Variants in ZNF665 observed in about 807,000 individuals in gnomAD.
ZNF665 encodes the protein zinc finger protein 665.
ZNF665 carries 6 observed loss-of-function variants against 7.9 expected under a neutral mutation model. The ratio of observed to expected loss-of-function variants is 0.76; its 90% CI spans 0.42 to 1.50. The LOEUF (loss-of-function observed/expected upper bound fraction) is 1.50, where lower values mean the gene tolerates loss of function less well. Ranked by LOEUF, ZNF665 falls within the 40% of genes most tolerant of loss-of-function variation. ZNF665 has a pLI of 0.01. For synonymous variants in ZNF665, 242 were observed against 274.5 expected, an observed-to-expected ratio of 0.88 and a Z score of 1.17; for missense variants, 819 against 806.7, an observed-to-expected ratio of 1.02 and a Z score of -0.18.
chr19:53,180,261 C>A (rs779655441), intron 2 of ZNF665, among the ~76,000 whole-genome samples: 1 of 151,952 alleles, frequency 6.6e-6, no homozygotes, highest in South Asian at 2.1e-4. Context: ...GGTAAAACCC[C>A]GTCTCTACTA....
chr19:53,168,071 A>G (rs1447205784), intron 3 of ZNF665, among the ~76,000 whole-genome samples: 7 of 148,602 alleles, frequency 4.7e-5, no homozygotes, highest in Non-Finnish European at 8.9e-5. Flanking sequence ...AAAAAAAAAA[A>G]AAAAAAAAAA....
intron 1 of ZNF665, chr19:53,191,771 G>A (rs535055592): frequency 3.3e-5 from 5 of 152,370 alleles, no homozygotes; most frequent in African/African-American, 9.6e-5. Context: ...TTGAACCCAG[G>A]AGGCGGAGTT....
intron 2 of ZNF665, 181 bp downstream of exon 2, chr19:53,182,703 A>T (rs2090747139): frequency 3.3e-6 from 4 of 1,201,864 alleles, no homozygotes; most frequent in Non-Finnish European, 4.8e-6. Context: ...TCCCAAGTTC[A>T]TGTCACTGGG....
intron 1 of ZNF665, among the ~76,000 whole-genome samples, chr19:53,189,910 T>C (rs1341097818): frequency 6.6e-6 from 1 of 152,118 alleles, no homozygotes; most frequent in African/African-American, 2.4e-5. Context: ...CAAGGAGCCC[T>C]CCGGTGGCCC....
At chr19:53,173,369 ACT>A (rs1252518225) in intron 3 of ZNF665, among the ~76,000 whole-genome samples, 2 of 72,810 alleles carry the variant, frequency 2.7e-5, no homozygotes, top group African/African-American at 5.7e-5. Context: ...TTTTTTTTTC[ACT>A]CTTTTTTTTT....
chr19:53,167,082 A>G (rs893417037), intron 3 of ZNF665, among the ~76,000 whole-genome samples: 1 of 151,878 alleles, frequency 6.6e-6, no homozygotes, highest in Non-Finnish European at 1.5e-5. Flanking sequence ...GCTCACCGCA[A>G]CCTCCGCCTC....
chr19:53,165,735 T>C lies in ZNF665; in HGVS notation c.755A>G (p.His252Arg). The C allele has an allele frequency of 6.2e-7, 1 of 1,614,226 alleles. No individual in the cohort carries two copies. Among genetic ancestry groups the C allele is most frequent in the Non-Finnish European group, 8.5e-7 (1 of 1,180,038 alleles). The change falls in exon 4 of 4, where the codon CAT becomes CGT. Residue 252 changes from histidine (H) to arginine (R), a missense_variant. His to Arg is a conservative substitution (Grantham distance 29, BLOSUM62 0). Coordinates refer to ENST00000396424, the MANE Select transcript of ZNF665 (RefSeq NM_024733.5). ...TTTCTCTCCAGTATGAATTCTCTGA[T>C]GACCTGCAAGGTTTGAAGGTTGACT... ...VFSQPSNLAG[H>R]QRIHTGEKPY...
chr19:53,190,713 T>C (rs2090810613), intron 1 of ZNF665, among the ~76,000 whole-genome samples: 1 of 152,120 alleles, frequency 6.6e-6, no homozygotes, highest in South Asian at 2.1e-4. Flanking sequence ...GTGGGTGGAT[T>C]ACCTGAGATC....
At chr19:53,173,840 G>T (rs1007250008) in intron 3 of ZNF665, among the ~76,000 whole-genome samples, 1 of 152,088 alleles carries the variant, frequency 6.6e-6, no homozygotes, top group Non-Finnish European at 1.5e-5. Context: ...AAAAAAACAG[G>T]ATACATGCCC....
intron 2 of ZNF665, among the ~76,000 whole-genome samples, chr19:53,178,877 A>T (rs767120735): frequency 6.6e-5 from 10 of 152,216 alleles, no homozygotes; most frequent in Non-Finnish European, 1.2e-4. Flanking sequence ...ACGCATTTGG[A>T]AGACAACCAG....
At chr19:53,174,863 C>T (rs1227873406) in intron 3 of ZNF665, among the ~76,000 whole-genome samples, 1 of 148,910 alleles carries the variant, frequency 6.7e-6, no homozygotes. Context: ...CGCTTGAACT[C>T]AGGAGGCGGT....
At chr19:53,166,436 G>T in intron 3 of ZNF665, 89 bp from the exon 4 acceptor site, 1 of 1,186,018 alleles carries the variant, frequency 8.4e-7, no homozygotes, top group Non-Finnish European at 1.2e-6. Flanking sequence ...TACACCAAAA[G>T]TAATAGTTAT....
In ZNF665 at chr19:53,165,924, T is replaced by C. The variant is rs1329130522; in HGVS notation, c.566A>G (p.Gln189Arg). ...KCDECGKVFS[Q>R]NSRLTSHKRI... Reference sequence around the variant, plus strand: ...CTTATGACTTGTTAGCCGTGAGTTTTGACTGAAGACCTTGCCACATTCATC... The same window carrying C: ...CTTATGACTTGTTAGCCGTGAGTTTCGACTGAAGACCTTGCCACATTCATC... The change falls in exon 4 of 4, where the codon CAA becomes CGA. Residue 189 changes from glutamine (Q) to arginine (R), a missense_variant. By Grantham distance (43) the Gln-to-Arg change is conservative (BLOSUM62 1). Transcript: ENST00000396424. 6.2e-7 allele frequency: 1 copy of C among 1,614,200 alleles called. No individual in the cohort carries two copies. The highest frequency in any genetic ancestry group is 1.1e-5 in the South Asian group (1 of 91,078).
intron 2 of ZNF665, among the ~76,000 whole-genome samples, chr19:53,178,974 C>T (rs1177219205): frequency 1.3e-5 from 2 of 152,162 alleles, no homozygotes; most frequent in Non-Finnish European, 2.9e-5. Flanking sequence ...TACAAGGTCA[C>T]ACTTATAGAA....
chr19:53,179,319 T>C (rs1227746375), intron 2 of ZNF665, among the ~76,000 whole-genome samples: 1 of 131,738 alleles, frequency 7.6e-6, no homozygotes, highest in Non-Finnish European at 1.5e-5. Flanking sequence ...GGGCTTGCAG[T>C]GAGCCGAGAT....
chr19:53,185,319 G>A lies in ZNF665; in HGVS notation c.-45-2376C>T, dbSNP rs2090770113. Among the ~76,000 whole-genome samples, 3 of 151,972 alleles carry A rather than the reference G, an allele frequency of 2.0e-5. No individual in the cohort carries two copies. The South Asian group carries it at 6.3e-4, about 32-fold the overall frequency. ...GCTGGCGTCACCGCTAGACCAAGGA[G>A]CCCTCCGGTGGCCCTGTCCGGGCAT... On this transcript the variant is annotated intron_variant, in intron 1 of 3. Coordinates refer to ENST00000396424, the MANE Select transcript of ZNF665 (RefSeq NM_024733.5).
chr19:53,179,496 G>A (rs1350494468), intron 2 of ZNF665: 3 of 149,582 alleles, frequency 2.0e-5, no homozygotes, highest in African/African-American at 4.9e-5. Flanking sequence ...CACCCAGGCT[G>A]GAGTGCAGTG....
At chr19:53,171,525 T>TATA (rs1555804190) in intron 3 of ZNF665, among the ~76,000 whole-genome samples, 241 of 37,246 alleles carry the variant, frequency 6.5e-3, no homozygotes, top group Middle Eastern at 0.015. Context: ...TATATATATA[T>TATA]TTTTTTTTTT....
At chr19:53,182,545 TCA>T (rs2146877078) in intron 2 of ZNF665, 1 of 671,778 alleles carries the variant, frequency 1.5e-6, no homozygotes, top group East Asian at 2.7e-5. Context: ...GCTTCTCTTA[TCA>T]CAGTTTACAC....
Sources: allele counts gnomAD v4.1 joint callset (sites outside exome capture counted in the v4.1 genomes callset), GRCh38; gene constraint gnomAD v4.1.1; transcripts MANE v1.5; gene names NCBI Gene and HGNC (gene_info 2026-07-23, HGNC 2026-07-21).